The following GRK5 variants were observed in gnomAD, a reference collection of about 807,000 sequenced individuals.
GRK5 encodes the protein g protein-coupled receptor kinase GRK5.
GRK5 carries 40 observed loss-of-function variants against 78.4 expected under a neutral mutation model. That is an observed-to-expected ratio of 0.51 (90% CI 0.40 to 0.66). The LOEUF (loss-of-function observed/expected upper bound fraction) is 0.66. Among genes scored for constraint, GRK5 ranks in the 30% least tolerant of loss-of-function variants. The pLI is 0.00. For missense variants in GRK5, 598 were observed against 759.9 expected, an observed-to-expected ratio of 0.79 and a Z score of 2.50; for synonymous variants, 289 against 296.8, an observed-to-expected ratio of 0.97 and a Z score of 0.27.
At chr10:119,265,688 C>T (rs566933165) in intron 1 of GRK5, among the ~76,000 whole-genome samples, 1 of 152,332 alleles carries the variant, frequency 6.6e-6, no homozygotes, top group African/African-American at 2.4e-5. Flanking sequence ...AGTTCTCAAC[C>T]TCCATTGGAG....
rs1853303624 is a variant in GRK5 at position 119,452,335 on chromosome 10, G to A, written c.1405-336G>A. On this transcript the variant is annotated intron_variant, in intron 13 of 15. Transcript: ENST00000392870. The surrounding 1 kb of genome is among the most constrained non-coding windows in gnomAD (Gnocchi z 4.4). ...GAGTGATGGCAGGAATGAGCCCTGGGCTGGGCACCCAGGTGCCCCGAGCTC... is the reference window on the plus strand; with the variant it reads ...GAGTGATGGCAGGAATGAGCCCTGGACTGGGCACCCAGGTGCCCCGAGCTC... 3.3e-6 allele frequency: 1 copy of A among 307,342 alleles called. No individual in the cohort carries two copies. The highest frequency in any genetic ancestry group is 6.2e-6 in the Non-Finnish European group (1 of 160,964). 19.0% of individuals were successfully genotyped at this position (307,342 alleles called of 1,614,324 possible).
chr10:119,353,302 T>C (rs1326818207), intron 2 of GRK5, among the ~76,000 whole-genome samples: 2 of 152,182 alleles, frequency 1.3e-5, no homozygotes, highest in East Asian at 1.9e-4. Flanking sequence ...GAGGCAGAGA[T>C]GGGGAGAGAT....
intron 3 of GRK5, among the ~76,000 whole-genome samples, chr10:119,390,809 T>G (rs1336165983): frequency 6.6e-6 from 1 of 152,116 alleles, no homozygotes; most frequent in Admixed American, 6.5e-5. Flanking sequence ...ACCGGGTCCT[T>G]CCCACAACAC....
At chr10:119,393,575 A>T (rs1851921363) in intron 3 of GRK5, among the ~76,000 whole-genome samples, 3 of 152,204 alleles carry the variant, frequency 2.0e-5, no homozygotes, top group Admixed American at 2.0e-4. Flanking sequence ...CGTCCTGCAG[A>T]GCAGTCTAGC....
chr10:119,296,660 A>T (rs1222877593), intron 1 of GRK5, among the ~76,000 whole-genome samples: 3 of 152,224 alleles, frequency 2.0e-5, no homozygotes, highest in Non-Finnish European at 4.4e-5. Context: ...CCCATGGCTG[A>T]CAGACTCTGA....
intron 1 of GRK5, among the ~76,000 whole-genome samples, chr10:119,303,652 G>T (rs1054257555): frequency 3.3e-5 from 5 of 152,156 alleles, no homozygotes; most frequent in Admixed American, 2.0e-4. Flanking sequence ...CTTTGGGTTT[G>T]CATAACTCTG....
At position 119,411,842 on chromosome 10, in the gene GRK5, C is replaced by CTTTTTT. The variant is rs10578557; in HGVS notation, c.340-11303_340-11298dup. On this transcript the variant is annotated intron_variant, in intron 4 of 15. Transcript: ENST00000392870. ...CCTCAGCTTCATTGCAGATCTGCTT[C>CTTTTTT]TTTTTTTTTTTTTTTTTTTTTTTTT... Among the ~76,000 whole-genome samples, 70 of 95,978 alleles carry CTTTTTT rather than the reference C, an allele frequency of 7.3e-4. 8 individuals carry two copies. The highest frequency in any genetic ancestry group is 8.2e-3 in the Middle Eastern group (1 of 122). 63.0% of individuals were successfully genotyped at this position (95,978 alleles called of 152,430 possible).
At chr10:119,374,676 G>A (rs962630477) in intron 2 of GRK5, among the ~76,000 whole-genome samples, 1 of 152,214 alleles carries the variant, frequency 6.6e-6, no homozygotes, top group Non-Finnish European at 1.5e-5. Context: ...GTACTTGCTG[G>A]TACAGTTTGG....
At chr10:119,358,915 C>A (rs1201207529) in intron 2 of GRK5, among the ~76,000 whole-genome samples, 1 of 152,180 alleles carries the variant, frequency 6.6e-6, no homozygotes, top group African/African-American at 2.4e-5. Flanking sequence ...CCTCTGAGCT[C>A]TCTGGTGTCT....
chr10:119,414,432 G>C (rs911863105), intron 4 of GRK5, among the ~76,000 whole-genome samples: 11 of 152,180 alleles, frequency 7.2e-5, no homozygotes, highest in Admixed American at 2.6e-4. Flanking sequence ...AACACCATTG[G>C]TCAAAACACA....
chr10:119,368,783 C>A lies in GRK5; in HGVS notation c.149-12032C>A, dbSNP rs138875234. 6.2e-4 allele frequency among the ~76,000 whole-genome samples: 94 copies of A among 152,346 alleles called. 1 individual carries two copies. The East Asian group carries it at 0.011, about 18-fold the overall frequency. Reference sequence around the variant, plus strand: ...TGCTGCAGCTCTGAGCAGCAGGCAGCCTGGCCCAGCCTTGCCTCCGCCCAG... The same window carrying A: ...TGCTGCAGCTCTGAGCAGCAGGCAGACTGGCCCAGCCTTGCCTCCGCCCAG... On this transcript the variant is annotated intron_variant, in intron 2 of 15. Coordinates refer to ENST00000392870, the MANE Select transcript of GRK5 (RefSeq NM_005308.3).
chr10:119,394,025 TTGTG>T (rs1017925738), intron 3 of GRK5, among the ~76,000 whole-genome samples: 9 of 128,288 alleles, frequency 7.0e-5, no homozygotes. Flanking sequence ...GCGGGTGTGT[TTGTG>T]TGGATGGGTA....
intron 1 of GRK5, among the ~76,000 whole-genome samples, chr10:119,303,917 C>T (rs1850228900): frequency 6.6e-6 from 1 of 152,134 alleles, no homozygotes; most frequent in African/African-American, 2.4e-5. Flanking sequence ...CACTCATCTC[C>T]CACTGCATGG....
intron 1 of GRK5, among the ~76,000 whole-genome samples, chr10:119,244,454 G>T (rs542796413): frequency 1.3e-5 from 2 of 152,280 alleles, no homozygotes; most frequent in African/African-American, 2.4e-5. Flanking sequence ...TCCAAAGAAG[G>T]TATACAAATG....
In GRK5 at chr10:119,271,443, T is replaced by C. The variant is rs539584968; in HGVS notation, c.53-55073T>C. Reference sequence around the variant, plus strand: ...GTGTTTCCTACAGATTTTGTTTGCCTGCATTGACTTCTTTGTTTAGCTCTA... The same window carrying C: ...GTGTTTCCTACAGATTTTGTTTGCCCGCATTGACTTCTTTGTTTAGCTCTA... On this transcript the variant is annotated intron_variant, in intron 1 of 15. Transcript: ENST00000392870. This position sits in a 1 kb window ranked among gnomAD's most constrained non-coding sequence, Gnocchi z 4.1. Among the ~76,000 whole-genome samples, 1 of 152,390 alleles carries C rather than the reference T, an allele frequency of 6.6e-6. No individual in the cohort carries two copies. The highest frequency in any genetic ancestry group is 2.1e-4 in the South Asian group (1 of 4,832).
chr10:119,346,383 G>A (rs112692133), intron 2 of GRK5, among the ~76,000 whole-genome samples: 6 of 152,316 alleles, frequency 3.9e-5, no homozygotes, highest in African/African-American at 7.2e-5. Flanking sequence ...ACAGGGTTTC[G>A]GCATTTGCTT....
chr10:119,280,813 T>C (rs1849750717), intron 1 of GRK5, among the ~76,000 whole-genome samples: 1 of 136,802 alleles, frequency 7.3e-6, no homozygotes, highest in Admixed American at 7.8e-5. Flanking sequence ...AGAGTCTCAC[T>C]CTGTCACCCA....
chr10:119,451,713 C>T (rs1853291623), intron 13 of GRK5, among the ~76,000 whole-genome samples: 1 of 152,188 alleles, frequency 6.6e-6, no homozygotes, highest in Admixed American at 6.5e-5. Flanking sequence ...GACAGCATGG[C>T]CTTGAGCCTT....
intron 15 of GRK5, 54 bp from the exon 16 acceptor site, chr10:119,454,915 T>C: frequency 8.3e-7 from 1 of 1,208,416 alleles, no homozygotes; most frequent in Non-Finnish European, 1.2e-6. Context: ...TCCCCAGGGC[T>C]CCCAGGACTG....
Sources: allele counts gnomAD v4.1 joint callset (sites outside exome capture counted in the v4.1 genomes callset), GRCh38; gene constraint gnomAD v4.1.1; non-coding constraint Gnocchi (gnomAD v3.1); transcripts MANE v1.5; gene names NCBI Gene and HGNC (gene_info 2026-07-23, HGNC 2026-07-21).